Variants in SH3BGRL observed in about 807,000 individuals in gnomAD.
The protein encoded by SH3BGRL is SH3 domain binding glutamate rich protein like.
A neutral mutation model predicts 9.8 loss-of-function variants in SH3BGRL; 7 were observed. The ratio of observed to expected loss-of-function variants is 0.72; its 90% CI spans 0.41 to 1.35. The LOEUF is 1.35. Ranked by LOEUF, SH3BGRL falls within the 40% of genes most tolerant of loss-of-function variation. SH3BGRL has a pLI of 0.01. For synonymous variants in SH3BGRL, 36 were observed against 29.1 expected (o/e 1.24, Z -0.76); for missense variants, 73 against 84.4 (o/e 0.86, Z 0.53).
At chrX:81,210,225 G>A (rs2075559050) in intron 1 of SH3BGRL, among the ~76,000 whole-genome samples, 2 of 110,892 alleles carry the variant, frequency 1.8e-5, no homozygotes, top group African/African-American at 6.6e-5. Flanking sequence ...TACTACATGA[G>A]AAAATTTTCT....
At chrX:81,249,501 C>G (rs2075702353) in intron 1 of SH3BGRL, among the ~76,000 whole-genome samples, 1 of 112,461 alleles carries the variant, frequency 8.9e-6, no homozygotes, top group South Asian at 3.6e-4. Flanking sequence ...ACACATTTTA[C>G]TAGGGGACTC....
chrX:81,211,177 T>A (rs113609366), intron 1 of SH3BGRL, among the ~76,000 whole-genome samples: 2,589 of 111,970 alleles, frequency 0.023, 42 homozygotes, highest in South Asian at 0.16. Flanking sequence ...AAGAGTATCA[T>A]GAAAGAAAGC....
intron 1 of SH3BGRL, chrX:81,237,202 G>A (rs1411753547): frequency 5.1e-6 from 2 of 388,718 alleles, no homozygotes; most frequent in South Asian, 2.5e-5. Flanking sequence ...CTATCTACAT[G>A]CACACACACA....
chrX:81,204,783 C>G (rs1488559186), intron 1 of SH3BGRL, among the ~76,000 whole-genome samples: 1 of 112,017 alleles, frequency 8.9e-6, no homozygotes, highest in Non-Finnish European at 1.9e-5. Context: ...GATCGCACCA[C>G]TGCAATCCAG....
chrX:81,241,051 C>CCT (rs1403608418), intron 1 of SH3BGRL, among the ~76,000 whole-genome samples: 1 of 112,899 alleles, frequency 8.9e-6, no homozygotes, highest in African/African-American at 3.2e-5. Context: ...CTCAGAAGTG[C>CCT]CTTTTCCCTC....
At chrX:81,249,441 T>C (rs147873992) in intron 1 of SH3BGRL, among the ~76,000 whole-genome samples, 1,269 of 112,540 alleles carry the variant, frequency 0.011, 19 homozygotes, top group African/African-American at 0.038. Context: ...ACTTCTATTA[T>C]ACTAATTTTC....
intron 1 of SH3BGRL, 42 bp downstream of exon 1, chrX:81,202,287 A>G (rs1470504992): frequency 1.7e-6 from 2 of 1,149,675 alleles, no homozygotes; most frequent in South Asian, 1.9e-5. Context: ...TTTCCTACAC[A>G]CCAGTCCTCT....
chrX:81,285,944 T>G (rs2147718360), intron 3 of SH3BGRL, among the ~76,000 whole-genome samples: 1 of 112,268 alleles, frequency 8.9e-6, no homozygotes, highest in South Asian at 3.7e-4. Context: ...ACATACTCTT[T>G]ACATTTAAAA....
chrX:81,294,237 A>G (rs1254248215), intron 3 of SH3BGRL, among the ~76,000 whole-genome samples: 1 of 111,585 alleles, frequency 9.0e-6, no homozygotes, highest in Non-Finnish European at 1.9e-5. Context: ...TCTCCAGGGC[A>G]TGTCAGAGGT....
intron 1 of SH3BGRL, among the ~76,000 whole-genome samples, chrX:81,206,924 G>C (rs942719200): frequency 8.9e-6 from 1 of 112,330 alleles, no homozygotes; most frequent in Admixed American, 9.4e-5. Flanking sequence ...AGTGATTTCT[G>C]CCTGTTCAGA....
chrX:81,241,838 G>A (rs1003655128), intron 1 of SH3BGRL, among the ~76,000 whole-genome samples: 2 of 112,538 alleles, frequency 1.8e-5, no homozygotes, highest in South Asian at 3.6e-4. Context: ...GAAGGCACGT[G>A]CAGTACATCT....
chrX:81,216,818 C>T (rs2075582618), intron 1 of SH3BGRL, among the ~76,000 whole-genome samples: 1 of 110,927 alleles, frequency 9.0e-6, no homozygotes, highest in South Asian at 3.8e-4. Flanking sequence ...GTATATGTGC[C>T]ACCTTTTCTT....
At chrX:81,292,204 C>A (rs2075860126) in intron 3 of SH3BGRL, among the ~76,000 whole-genome samples, 1 of 112,302 alleles carries the variant, frequency 8.9e-6, no homozygotes, top group African/African-American at 3.2e-5. Flanking sequence ...CAGCAGACTT[C>A]TGCCTGGACA....
intron 3 of SH3BGRL, among the ~76,000 whole-genome samples, chrX:81,280,112 A>C (rs1405784159): frequency 9.1e-6 from 1 of 110,429 alleles, no homozygotes; most frequent in African/African-American, 3.3e-5. Context: ...AAGCCATCCT[A>C]GGTATAGAAC....
At chrX:81,268,831 A>T (rs2075766634) in intron 1 of SH3BGRL, among the ~76,000 whole-genome samples, 1 of 111,198 alleles carries the variant, frequency 9.0e-6, no homozygotes, top group Admixed American at 9.5e-5. Flanking sequence ...AAAGTCTTCC[A>T]TTATTATTGT....
rs375082415 is a variant in SH3BGRL, at chrX:81,288,810, C to T, written c.313-8385C>T. Among the ~76,000 whole-genome samples the T allele has an allele frequency of 2.5e-4, 28 of 111,314 alleles. No homozygotes were observed. In the East Asian group the frequency reaches 6.2e-3, roughly 25 times the overall value. On this transcript the variant is annotated intron_variant, in intron 3 of 3. Coordinates refer to ENST00000373212, the MANE Select transcript of SH3BGRL (RefSeq NM_003022.3). ...TGACATAAAAAATTGAAAAAATATT[C>T]CATGATCATGGATTGAAATAATCAA...
intron 1 of SH3BGRL, among the ~76,000 whole-genome samples, chrX:81,247,311 T>C (rs2075692655): frequency 8.9e-6 from 1 of 112,179 alleles, no homozygotes; most frequent in Non-Finnish European, 1.9e-5. Context: ...TTCTCTTGCC[T>C]GATTGCTCTG....
intron 3 of SH3BGRL, among the ~76,000 whole-genome samples, chrX:81,287,660 G>A (rs1054412071): frequency 9.0e-6 from 1 of 110,618 alleles, no homozygotes; most frequent in African/African-American, 3.3e-5. Context: ...CTGTGGGTGG[G>A]GGAGTAGGGG....
At chrX:81,276,804 G>T (rs2075799666) in intron 1 of SH3BGRL, among the ~76,000 whole-genome samples, 180 bp from the exon 2 acceptor site, 1 of 111,472 alleles carries the variant, frequency 9.0e-6, no homozygotes, top group Non-Finnish European at 1.9e-5. Context: ...AGGACCAGTG[G>T]ACCAAAAGCT....
Sources: allele counts gnomAD v4.1 joint callset (sites outside exome capture counted in the v4.1 genomes callset), GRCh38; gene constraint gnomAD v4.1.1; transcripts MANE v1.5; gene names NCBI Gene and HGNC (gene_info 2026-07-23, HGNC 2026-07-21).